IFRD2: variants seen among roughly 807,000 people sequenced by gnomAD.
IFRD2 encodes interferon-related developmental regulator 2.
IFRD2 carries 35 observed loss-of-function variants against 49.2 expected under a neutral mutation model. The ratio of observed to expected loss-of-function variants is 0.71; its 90% CI spans 0.54 to 0.94. IFRD2 has a LOEUF of 0.94. IFRD2 is among the 40% of genes least tolerant of loss of function. The probability of loss-of-function intolerance (pLI) is 0.00; values close to 1 mark genes in which losing one functional copy is unlikely to be tolerated. For synonymous variants in IFRD2, 275 were observed against 239.7 expected, an observed-to-expected ratio of 1.15 and a Z score of -1.36; for missense variants, 561 against 591.6, an observed-to-expected ratio of 0.95 and a Z score of 0.54.
rs782025532 is a variant in IFRD2 at position 50,288,481 on chromosome 3, G to C, written c.1176C>G (p.Ile392Met). The C allele has an allele frequency of 1.2e-6, 2 of 1,614,004 alleles. No homozygotes were observed. The highest frequency in any genetic ancestry group is 1.7e-6 in the Non-Finnish European group (2 of 1,179,874). The change falls in exon 11 of 12, where the codon ATC (isoleucine) becomes ATG (methionine). Residue 392 changes from isoleucine to methionine, a missense_variant. By Grantham distance (10) the Ile-to-Met change is conservative. Transcript: ENST00000417626. ...GCAACAGCACAGGGCCCAGGCCAAA[G>C]ATGTCACGGAGTAGCTCATTGTTCT... ...HLQNNELLRD[I>M]FGLGPVLLLD...
intron 1 of IFRD2, 129 bp downstream of exon 1, chr3:50,292,088 G>A: frequency 9.6e-7 from 1 of 1,042,044 alleles, no homozygotes. Context: ...CCTCGGTAGA[G>A]TTATGGGAAG....
intron 1 of IFRD2, among the ~76,000 whole-genome samples, chr3:50,291,034 CAG>C (rs1463795205): frequency 5.9e-5 from 7 of 118,834 alleles, no homozygotes; most frequent in East Asian, 4.8e-4. Flanking sequence ...TTTTTTGAGA[CAG>C]AGTTTTGCTC....
Position 50,288,955 on chromosome 3 carries a change from G to C in IFRD2, c.886-18C>G. On this transcript the variant is annotated intron_variant, in intron 8 of 11. Coordinates refer to ENST00000417626, the MANE Select transcript of IFRD2 (RefSeq NM_006764.5). ...AACTCCTCCTGCAATGGGAGCATTG[G>C]AGGGTGTGTGGTAGATGCTTGAGCT... is the stretch of plus-strand genomic sequence containing the variant. 6.2e-7 allele frequency: 1 copy of C among 1,609,870 alleles called. No homozygotes were observed. The highest frequency in any genetic ancestry group is 8.5e-7 in the Non-Finnish European group (1 of 1,177,646).
chr3:50,289,473 G>T lies in IFRD2; in HGVS notation c.753C>A (p.Ser251Arg). The change falls in exon 7 of 12, where the codon AGC becomes AGA. Residue 251 changes from serine (S) to arginine (R), a missense_variant. Physicochemically the swap from Ser to Arg is moderately radical, Grantham distance 110. Transcript: ENST00000417626. The stretch of plus-strand genomic sequence containing the variant: ...TGTCAAGGATGTGGCTGATTTGGGT[G>T]CTAGGGCAGATGGTGAGCAGCAATG... ...AWALLLTICP[S>R]TQISHILDRQ... is the part of the protein sequence containing the mutation. 1 of 1,582,826 alleles carries T rather than the reference G, an allele frequency of 6.3e-7. No individual in the cohort carries two copies. Among genetic ancestry groups the T allele is most frequent in the Non-Finnish European group, 8.6e-7 (1 of 1,164,362 alleles).
chr3:50,288,891 C>A lies in IFRD2; in HGVS notation c.932G>T (p.Arg311Leu). 1 of 1,613,328 alleles carries A rather than the reference C, an allele frequency of 6.2e-7. No individual in the cohort carries two copies. Among genetic ancestry groups the A allele is most frequent in the Non-Finnish European group, 8.5e-7 (1 of 1,179,592 alleles). ...EDMEALCSVL[R>L]TLATDSNKYR... ...CTTGTTACTGTCAGTGGCCAGAGTG[C>A]GCAGGACACTGCAGAGGGCCTCCAT... The change falls in exon 9 of 12, where the codon CGC (arginine) becomes CTC (leucine). Residue 311 changes from arginine to leucine, a missense_variant. Physicochemically the swap from Arg to Leu is moderately radical, Grantham distance 102. Coordinates refer to ENST00000417626, the MANE Select transcript of IFRD2 (RefSeq NM_006764.5).
chr3:50,290,497 G>A (rs782736755), intron 2 of IFRD2, 25 bp from the exon 3 acceptor site: 23 of 1,591,652 alleles, frequency 1.4e-5, no homozygotes, highest in South Asian at 5.7e-5. Context: ...GGTCAGCACC[G>A]CTTCTTGTCC....
chr3:50,288,750 CTA>C, intron 9 of IFRD2, 39 bp from the exon 10 acceptor site: 1 of 1,612,034 alleles, frequency 6.2e-7, no homozygotes, highest in Non-Finnish European at 8.5e-7. Flanking sequence ...GGCTTGGCTG[CTA>C]TGCCTGGGGG....
intron 1 of IFRD2, chr3:50,291,787 G>T (rs1553709839): frequency 5.6e-6 from 1 of 179,406 alleles, no homozygotes; most frequent in East Asian, 1.6e-4. Context: ...AGTCAGGCCT[G>T]CCAAGCTGCC....
Position 50,292,239 on chromosome 3 carries a change from C to T in IFRD2, c.36G>A (p.Lys12=), listed in dbSNP as rs1553709900. The T allele has an allele frequency of 1.3e-5, 20 of 1,512,194 alleles. No homozygotes were observed. Among genetic ancestry groups the T allele is most frequent in the Non-Finnish European group, 1.7e-5 (19 of 1,133,966 alleles). 93.7% of individuals were successfully genotyped at this position (1,512,194 alleles called of 1,614,324 possible). Residue 12 remains lysine, a synonymous_variant, in exon 1 of 12, where the codon AAG becomes AAA. Coordinates refer to ENST00000417626, the MANE Select transcript of IFRD2 (RefSeq NM_006764.5). ...PRARKGNTLR[K]GGQRRGGGAR... The stretch of plus-strand genomic sequence containing the variant: ...CACCTCCTCCACGGCGCTGACCACC[C>T]TTCCGGAGCGTGTTGCCCTTACGGG...
Position 50,292,416 on chromosome 3 carries a change from A to G in IFRD2, c.-142T>C. ...CGCCACGCGCGCCACCATCTTCGCG[A>G]GGCGCCCCGCCCTGCCAAACAGGTC... On this transcript the variant is annotated 5_prime_UTR_variant, in exon 1 of 12. Transcript: ENST00000417626. 1 of 1,596,924 alleles carries G rather than the reference A, an allele frequency of 6.3e-7. No homozygotes were observed. Among genetic ancestry groups the G allele is most frequent in the Non-Finnish European group, 8.5e-7 (1 of 1,177,796 alleles).
At chr3:50,291,772 TGTG>T (rs1255597767) in intron 1 of IFRD2, 1 of 172,848 alleles carries the variant, frequency 5.8e-6, no homozygotes, top group African/African-American at 2.4e-5. Flanking sequence ...TCAGCTACCT[TGTG>T]GAGTCAGGCC....
Position 50,288,267 on chromosome 3 carries a change from A to T in IFRD2, c.1253T>A (p.Leu418Gln), listed in dbSNP as rs587699046. The change falls in exon 12 of 12, where the codon CTG becomes CAG. Residue 418 changes from leucine to glutamine, a missense_variant. By Grantham distance (113) the Leu-to-Gln change is moderately radical. Coordinates refer to ENST00000417626, the MANE Select transcript of IFRD2 (RefSeq NM_006764.5). ...ACKVPRFEKH[L>Q]YNAAAFKART... ...GGCTTTGAAGGCAGCAGCATTGTAC[A>T]GGTGCTAGAGTGGGGACAGAGAGTG... is the stretch of plus-strand genomic sequence containing the variant. 156 of 1,613,664 alleles carry T rather than the reference A, an allele frequency of 9.7e-5. 2 individuals are homozygous for T. In the South Asian group the frequency reaches 1.7e-3, roughly 17 times the overall value.
chr3:50,290,052 C>G lies in IFRD2; in HGVS notation c.423G>C (p.Val141=), dbSNP rs1296004514. 2.5e-6 allele frequency: 4 copies of G among 1,613,712 alleles called. No homozygotes were observed. The African/African-American group carries it at 5.3e-5, about 22-fold the overall frequency. Residue 141 remains valine (V), a synonymous_variant, in exon 5 of 12, where the codon GTG becomes GTC. Transcript: ENST00000417626. ...CCAGCTGCACGCAGAGCAGGCCTAG[C>G]ACAGCAGCAGCCAGGGCTTGTTCCT... ...KGEEQALAAA[V]LGLLCVQLGP...
chr3:50,289,321 A>G lies in IFRD2; in HGVS notation c.819T>C (p.Ser273=). The G allele has an allele frequency of 6.2e-7, 1 of 1,601,404 alleles. No individual in the cohort carries two copies. The highest frequency in any genetic ancestry group is 1.1e-5 in the South Asian group (1 of 88,750). Residue 273 remains serine (S), a synonymous_variant, in exon 8 of 12, where the codon AGT becomes AGC. Transcript: ENST00000417626. ...PRLPQLLSSE[S]VNLRIAAGET... is the part of the protein sequence containing the mutation. ...CACCGGCAGCGATCCGCAGGTTCAC[A>G]CTTTCACTGGACAAGAGCTGGGGCA...
chr3:50,290,520 G>T, intron 2 of IFRD2, 40 bp downstream of exon 2: 1 of 1,606,388 alleles, frequency 6.2e-7, no homozygotes, highest in Non-Finnish European at 8.5e-7. Context: ...AGCCCATGGA[G>T]CCCTCACCAA....
chr3:50,292,420 G>A lies in IFRD2; in HGVS notation c.-146C>T, dbSNP rs1553709995. The A allele has an allele frequency of 1.3e-6, 2 of 1,597,474 alleles. No individual in the cohort carries two copies. The highest frequency in any genetic ancestry group is 8.5e-7 in the Non-Finnish European group (1 of 1,178,196). On this transcript the variant is annotated 5_prime_UTR_variant, in exon 1 of 12. Transcript: ENST00000417626. ...ACGCGCGCCACCATCTTCGCGAGGC[G>A]CCCCGCCCTGCCAAACAGGTCGCCG... is the stretch of plus-strand genomic sequence containing the variant.
In IFRD2 at chr3:50,288,261, T is replaced by C. The variant is rs923120571; in HGVS notation, c.1259A>G (p.Asn420Ser). 1.2e-6 allele frequency: 2 copies of C among 1,613,636 alleles called. No individual in the cohort carries two copies. The highest frequency in any genetic ancestry group is 1.7e-5 in the Admixed American group (1 of 59,980). The change falls in exon 12 of 12, where the codon AAT (asparagine) becomes AGT (serine). Residue 420 changes from asparagine to serine, a missense_variant. By Grantham distance (46) the Asn-to-Ser change is conservative. Transcript: ENST00000417626. ...GGTCCGGGCTTTGAAGGCAGCAGCA[T>C]TGTACAGGTGCTAGAGTGGGGACAG... ...KVPRFEKHLY[N>S]AAAFKARTKA...
Position 50,290,210 on chromosome 3 carries a change from G to A in IFRD2, c.348C>T (p.Arg116=), listed in dbSNP as rs782166320. The change falls in exon 4 of 12, where the codon CGC becomes CGT. Residue 116 remains arginine, a synonymous_variant. Transcript: ENST00000417626. ...TTTCCAGGGCATCGGCTAGCGTGAG[G>A]CGGCGCTCCAGCAAGAAGTCGGGGA... The part of the protein sequence containing the change: ...RLLPDFLLER[R]LTLADALEKC... The A allele has an allele frequency of 1.2e-6, 2 of 1,613,664 alleles. No individual in the cohort carries two copies. Among genetic ancestry groups the A allele is most frequent in the Non-Finnish European group, 8.5e-7 (1 of 1,179,798 alleles).
chr3:50,289,745 G>A lies in IFRD2; in HGVS notation c.564C>T (p.Gly188=), dbSNP rs1200533269. ...AARLHCASAL[G]LGCYVAAADI... Reference sequence around the variant, plus strand: ...CAGCGGCAGCCACGTAGCAGCCCAGGCCAAGGGCAGAAGCACACTGTTGGG... The same window carrying A: ...CAGCGGCAGCCACGTAGCAGCCCAGACCAAGGGCAGAAGCACACTGTTGGG... Residue 188 remains glycine (G), a synonymous_variant, in exon 6 of 12, where the codon GGC becomes GGT. Coordinates refer to ENST00000417626, the MANE Select transcript of IFRD2 (RefSeq NM_006764.5). 2 of 1,602,882 alleles carry A rather than the reference G, an allele frequency of 1.2e-6. No individual in the cohort carries two copies. Among genetic ancestry groups the A allele is most frequent in the Non-Finnish European group, 1.7e-6 (2 of 1,175,080 alleles).
Sources: gnomAD v4.1 joint callset for allele counts (sites outside exome capture counted in the v4.1 genomes callset) on GRCh38, gnomAD v4.1.1 for gene constraint, MANE v1.5 for transcripts, NCBI Gene and HGNC (gene_info 2026-07-23, HGNC 2026-07-21) for gene names.